The following NPM1 variants were observed in gnomAD, a reference collection of about 807,000 sequenced individuals.
NPM1 encodes nucleophosmin 1.
Under a neutral mutation model 44.1 loss-of-function variants are expected in NPM1, and 1 was observed. The observed-to-expected ratio is 0.02, with a 90% confidence interval of 0.01 to 0.11. The LOEUF (loss-of-function observed/expected upper bound fraction) is 0.11. NPM1 is among the 10% of genes least tolerant of loss of function. The pLI is 1.00. For missense variants in NPM1, 197 were observed against 347.8 expected (o/e 0.57, Z 3.45); for synonymous variants, 126 against 111.8 (o/e 1.13, Z -0.80).
chr5:171,393,084 C>A (rs1488222243), intron 6 of NPM1, 106 bp downstream of exon 6: 1 of 1,400,636 alleles, frequency 7.1e-7, no homozygotes. Flanking sequence ...TTACAAAAAG[C>A]CATCCTATGT....
chr5:171,402,697 C>T (rs1187602402), intron 8 of NPM1, among the ~76,000 whole-genome samples: 3 of 140,280 alleles, frequency 2.1e-5, no homozygotes, highest in Non-Finnish European at 3.1e-5. Flanking sequence ...GTAATTGGAT[C>T]ATGGGGTAGA....
intron 8 of NPM1, among the ~76,000 whole-genome samples, chr5:171,404,760 G>T (rs1365529901): frequency 6.7e-6 from 1 of 148,628 alleles, no homozygotes; most frequent in Non-Finnish European, 1.5e-5. Flanking sequence ...CTGCAATCTC[G>T]GCACTTTGGG....
chr5:171,406,036 A>G (rs1771542972), intron 9 of NPM1, among the ~76,000 whole-genome samples: 4 of 152,278 alleles, frequency 2.6e-5, no homozygotes, highest in South Asian at 4.1e-4. Context: ...AGGATATGGA[A>G]TAAATGGTTT....
At chr5:171,401,020 C>T (rs1771169818) in intron 8 of NPM1, 95 bp downstream of exon 8, 5 of 834,358 alleles carry the variant, frequency 6.0e-6, no homozygotes, top group Non-Finnish European at 1.0e-5. Context: ...TTTGATAGGC[C>T]TTTATAGAAC....
chr5:171,401,185 C>T (rs1466846068), intron 8 of NPM1, among the ~76,000 whole-genome samples: 1 of 151,988 alleles, frequency 6.6e-6, no homozygotes, highest in Non-Finnish European at 1.5e-5. Flanking sequence ...TCGTGAAACC[C>T]TGTCTTTACT....
chr5:171,404,719 C>T (rs1771469713), intron 8 of NPM1, among the ~76,000 whole-genome samples: 1 of 144,670 alleles, frequency 6.9e-6, no homozygotes, highest in Non-Finnish European at 1.5e-5. Flanking sequence ...ACACTCCTCA[C>T]TTCCCAGACG....
chr5:171,390,005 G>T, intron 1 of NPM1, 46 bp from the exon 2 acceptor site: 2 of 1,160,816 alleles, frequency 1.7e-6, no homozygotes, highest in Non-Finnish European at 2.5e-6. Context: ...TTAAGTTTCA[G>T]TGTTATTTTT....
intron 10 of NPM1, 116 bp downstream of exon 10, chr5:171,407,890 A>G (rs995126233): frequency 1.5e-6 from 1 of 647,306 alleles, no homozygotes. Context: ...ACCACAGATA[A>G]TATTTCATTT....
chr5:171,401,524 C>T (rs1449370329), intron 8 of NPM1, among the ~76,000 whole-genome samples: 1 of 152,142 alleles, frequency 6.6e-6, no homozygotes, highest in African/African-American at 2.4e-5. Context: ...GCAACCTTCA[C>T]TTCCCGGGTT....
chr5:171,397,551 A>G (rs1179406606), intron 6 of NPM1, among the ~76,000 whole-genome samples: 1 of 151,926 alleles, frequency 6.6e-6, no homozygotes, highest in Non-Finnish European at 1.5e-5. Flanking sequence ...CTTTTCATGT[A>G]TTCATTGGCC....
Position 171,392,931 on chromosome 5 carries a change from T to C in NPM1, c.477T>C (p.Ala159=), listed in dbSNP as rs1382419888. ...TTTAAAAGAAAAAAGTAAAACTTGC[T>C]GCTGATGAAGATGATGACGATGATG... The part of the protein sequence containing the change: ...SKVPQKKVKL[A]ADEDDDDDDE... Residue 159 remains alanine (A), a synonymous_variant, in exon 6 of 11, where the codon GCT becomes GCC. Transcript: ENST00000296930. The C allele has an allele frequency of 6.2e-7, 1 of 1,611,576 alleles. No homozygotes were observed. Among genetic ancestry groups the C allele is most frequent in the South Asian group, 1.1e-5 (1 of 90,996 alleles).
At chr5:171,406,049 A>T (rs1226988653) in intron 9 of NPM1, among the ~76,000 whole-genome samples, 1 of 152,170 alleles carries the variant, frequency 6.6e-6, no homozygotes, top group African/African-American at 2.4e-5. Flanking sequence ...AATGGTTTAA[A>T]TGCCTTGGAA....
intron 6 of NPM1, 41 bp downstream of exon 6, chr5:171,393,019 TGAC>T: frequency 6.3e-7 from 1 of 1,585,592 alleles, no homozygotes; most frequent in Non-Finnish European, 8.6e-7. Flanking sequence ...TCCGGAATCT[TGAC>T]AAAAAAAGGA....
rs769699299 is a variant in NPM1 at position 171,387,911 on chromosome 5, T to A, written c.-38T>A. ...CTGGAGCAGCGTTCTTTTATCTCCG[T>A]CCGCCTTCTCTCCTACCTAAGTGCG... On this transcript the variant is annotated 5_prime_UTR_variant, in exon 1 of 11. Coordinates refer to ENST00000296930, the MANE Select transcript of NPM1 (RefSeq NM_002520.7). 1.3e-6 allele frequency: 2 copies of A among 1,598,224 alleles called. No individual in the cohort carries two copies. Among genetic ancestry groups the A allele is most frequent in the South Asian group, 2.2e-5 (2 of 90,662 alleles).
intron 6 of NPM1, among the ~76,000 whole-genome samples, chr5:171,398,216 A>G (rs1771013099): frequency 6.6e-6 from 1 of 152,198 alleles, no homozygotes; most frequent in Non-Finnish European, 1.5e-5. Flanking sequence ...TTTAATTTTT[A>G]TGACGTCCGA....
intron 10 of NPM1, among the ~76,000 whole-genome samples, chr5:171,410,320 T>C (rs1437974602): frequency 6.6e-6 from 1 of 152,244 alleles, no homozygotes; most frequent in African/African-American, 2.4e-5. Flanking sequence ...TATTAGTATA[T>C]TGTTCACATT....
chr5:171,397,119 GAACTTTGTCTAT>G (rs1019937168), intron 6 of NPM1, among the ~76,000 whole-genome samples: 3 of 152,084 alleles, frequency 2.0e-5, no homozygotes, highest in Non-Finnish European at 4.4e-5. Context: ...AACCACGAAT[GAACTTTGTCTAT>G]AGGTTTCCTG....
At chr5:171,400,090 T>C in intron 6 of NPM1, 63 bp from the exon 7 acceptor site, 1 of 942,658 alleles carries the variant, frequency 1.1e-6, no homozygotes, top group South Asian at 1.3e-5. Flanking sequence ...AGGTCCTGCT[T>C]TCAATTCTTG....
intron 2 of NPM1, chr5:171,391,080 G>A (rs1020723535): frequency 2.1e-6 from 1 of 484,230 alleles, no homozygotes; most frequent in Non-Finnish European, 3.7e-6. Flanking sequence ...ATTCAGTACA[G>A]TAACACTGTA....
Sources: allele counts gnomAD v4.1 joint callset (sites outside exome capture counted in the v4.1 genomes callset), GRCh38; gene constraint gnomAD v4.1.1; transcripts MANE v1.5; gene names NCBI Gene and HGNC (gene_info 2026-07-23, HGNC 2026-07-21).